Variants in BNC2 observed in about 807,000 individuals in gnomAD.
The protein encoded by BNC2 is basonuclin zinc finger protein 2, also known as zinc finger protein basonuclin-2.
BNC2 carries 20 observed loss-of-function variants against 76.3 expected under a neutral mutation model. The ratio of observed to expected loss-of-function variants is 0.26; its 90% CI spans 0.18 to 0.38. The LOEUF is 0.38. Ranked by LOEUF, BNC2 falls within the 10% of genes least tolerant of loss-of-function variation. BNC2 has a pLI of 1.00. For synonymous variants in BNC2, 582 were observed against 514.8 expected, an observed-to-expected ratio of 1.13 and a Z score of -1.77; for missense variants, 1,382 against 1,399.8, an observed-to-expected ratio of 0.99 and a Z score of 0.20.
At chr9:16,649,603 T>TA (rs1473079238) in intron 3 of BNC2, among the ~76,000 whole-genome samples, 2 of 152,164 alleles carry the variant, frequency 1.3e-5, no homozygotes, top group African/African-American at 2.4e-5. Flanking sequence ...CATCAGTGAC[T>TA]ACAAGCTTGA....
intron 5 of BNC2, among the ~76,000 whole-genome samples, chr9:16,535,787 G>A (rs1818112816): frequency 6.6e-6 from 1 of 152,162 alleles, no homozygotes; most frequent in Non-Finnish European, 1.5e-5. Flanking sequence ...TAATGTGACT[G>A]GCTTTGGCTG....
intron 3 of BNC2, among the ~76,000 whole-genome samples, chr9:16,627,824 T>C (rs1224868702): frequency 1.3e-5 from 2 of 152,118 alleles, no homozygotes; most frequent in Non-Finnish European, 1.5e-5. Context: ...ATATTATAAT[T>C]TGGGGTTTAA....
chr9:16,827,802 A>T (rs934430910), intron 1 of BNC2, among the ~76,000 whole-genome samples: 6 of 152,210 alleles, frequency 3.9e-5, no homozygotes, highest in African/African-American at 1.4e-4. Flanking sequence ...ACAGGAATAC[A>T]AAAACAAAAA....
intron 3 of BNC2, among the ~76,000 whole-genome samples, chr9:16,594,493 G>A (rs1353945855): frequency 1.3e-5 from 2 of 152,102 alleles, no homozygotes; most frequent in African/African-American, 4.8e-5. Flanking sequence ...GCATAGGTAG[G>A]TGACCTTTTA....
chr9:16,482,046 T>A (rs1218498575), intron 5 of BNC2, among the ~76,000 whole-genome samples: 1 of 152,198 alleles, frequency 6.6e-6, no homozygotes, highest in African/African-American at 2.4e-5. Context: ...TATAAAAACC[T>A]TAGCACTATA....
chr9:16,516,628 A>G (rs1229553951), intron 5 of BNC2, among the ~76,000 whole-genome samples: 11 of 152,190 alleles, frequency 7.2e-5, no homozygotes, highest in Non-Finnish European at 1.5e-5. Flanking sequence ...ACAAGCACAC[A>G]AAACAAACTC....
intron 3 of BNC2, among the ~76,000 whole-genome samples, chr9:16,586,994 C>T (rs547673193): frequency 6.6e-6 from 1 of 152,222 alleles, no homozygotes; most frequent in African/African-American, 2.4e-5. Context: ...GAATATCTTC[C>T]ATTTTCCAGA....
rs1033908912 is a variant in BNC2, at chr9:16,820,044, G to A, written c.3+50602C>T. On this transcript the variant is annotated intron_variant, in intron 1 of 6. Transcript: ENST00000380672. ...GGAGGCTGAGGCAGGAGAATCGCTT[G>A]TGCCCAGGAGGCAGAGGCTGCAGTG... Among the ~76,000 whole-genome samples the A allele has an allele frequency of 2.0e-5, 3 of 147,510 alleles. 1 individual carries two copies. Among genetic ancestry groups the A allele is most frequent in the Non-Finnish European group, 4.5e-5 (3 of 67,342 alleles).
At chr9:16,451,019 T>C (rs999938949) in intron 5 of BNC2, among the ~76,000 whole-genome samples, 2 of 152,004 alleles carry the variant, frequency 1.3e-5, no homozygotes, top group Non-Finnish European at 2.9e-5. Flanking sequence ...ATCTAGGCTA[T>C]CTATGGATGT....
rs79380880 is a variant in BNC2 at position 16,647,481 on chromosome 9, A to G, written c.331-64396T>C. On this transcript the variant is annotated intron_variant, in intron 3 of 6. Coordinates refer to ENST00000380672, the MANE Select transcript of BNC2 (RefSeq NM_017637.6). Reference sequence around the variant, plus strand: ...AGGAGGTCAAAGGGTAGCCAAATGGAAGATAATGAATGGTCAATGCATAGA... The same window carrying G: ...AGGAGGTCAAAGGGTAGCCAAATGGGAGATAATGAATGGTCAATGCATAGA... Among the ~76,000 whole-genome samples the G allele has an allele frequency of 6.4e-3, 978 of 152,268 alleles. 10 individuals are homozygous for G. Among genetic ancestry groups the G allele is most frequent in the African/African-American group, 0.022 (917 of 41,556 alleles).
At chr9:16,567,818 C>G (rs1470051517) in intron 4 of BNC2, among the ~76,000 whole-genome samples, 2 of 152,068 alleles carry the variant, frequency 1.3e-5, no homozygotes, top group Non-Finnish European at 2.9e-5. Context: ...GCTGTTCAGG[C>G]ATGGCAGTGT....
chr9:16,819,996 G>A (rs983558022), intron 1 of BNC2, among the ~76,000 whole-genome samples: 2 of 151,612 alleles, frequency 1.3e-5, no homozygotes, highest in Non-Finnish European at 2.9e-5. Flanking sequence ...GTGATGGTGG[G>A]TGCCTGTAAT....
At chr9:16,606,783 C>T (rs544848318) in intron 3 of BNC2, among the ~76,000 whole-genome samples, 2 of 152,320 alleles carry the variant, frequency 1.3e-5, no homozygotes, top group South Asian at 4.1e-4. Flanking sequence ...GTCTCAAACA[C>T]CTGACTTCAG....
At chr9:16,526,383 T>G (rs1025334686) in intron 5 of BNC2, among the ~76,000 whole-genome samples, 10 of 151,460 alleles carry the variant, frequency 6.6e-5, no homozygotes, top group East Asian at 3.9e-4. Context: ...AATACCTAAC[T>G]GATTTACCTC....
At chr9:16,681,464 G>C (rs1210868373) in intron 3 of BNC2, among the ~76,000 whole-genome samples, 1 of 152,128 alleles carries the variant, frequency 6.6e-6, no homozygotes, top group Non-Finnish European at 1.5e-5. Flanking sequence ...GTTTGCTGAG[G>C]GAAAGAGCAC....
At chr9:16,677,884 AACT>A (rs1822699772) in intron 3 of BNC2, among the ~76,000 whole-genome samples, 1 of 152,220 alleles carries the variant, frequency 6.6e-6, no homozygotes, top group African/African-American at 2.4e-5. Context: ...ATGGTCACAC[AACT>A]TTATGTAAAA....
intron 3 of BNC2, among the ~76,000 whole-genome samples, chr9:16,591,521 G>A (rs996397631): frequency 6.6e-6 from 1 of 152,130 alleles, no homozygotes; most frequent in Non-Finnish European, 1.5e-5. Flanking sequence ...TTTTAGTAAG[G>A]TGGGTATGTT....
At chr9:16,846,180 G>A (rs1026559993) in intron 1 of BNC2, among the ~76,000 whole-genome samples, 1 of 151,092 alleles carries the variant, frequency 6.6e-6, no homozygotes, top group Non-Finnish European at 1.5e-5. Context: ...AAATTAAAAA[G>A]AGCTACGTTT....
At chr9:16,845,552 T>C (rs1224742702) in intron 1 of BNC2, among the ~76,000 whole-genome samples, 1 of 151,530 alleles carries the variant, frequency 6.6e-6, no homozygotes, top group Admixed American at 6.6e-5. Context: ...AAACCCCATC[T>C]CTACTAAAAA....
Sources: allele counts gnomAD v4.1 joint callset (sites outside exome capture counted in the v4.1 genomes callset), GRCh38; gene constraint gnomAD v4.1.1; transcripts MANE v1.5; gene names NCBI Gene and HGNC (gene_info 2026-07-23, HGNC 2026-07-21).